ABCC1: variants seen among roughly 807,000 people sequenced by gnomAD.
ABCC1 encodes the protein multidrug resistance-associated protein 1.
Under a neutral mutation model 172.9 loss-of-function variants are expected in ABCC1, and 83 were observed. That is an observed-to-expected ratio of 0.48 (90% CI 0.40 to 0.58). ABCC1 has a LOEUF of 0.58. Ranked by LOEUF, ABCC1 falls within the 20% of genes least tolerant of loss-of-function variation. The pLI is 0.00. For synonymous variants in ABCC1, 937 were observed against 825.2 expected, an observed-to-expected ratio of 1.14 and a Z score of -2.32; for missense variants, 1,817 against 2,002.7, an observed-to-expected ratio of 0.91 and a Z score of 1.77.
intron 3 of ABCC1, among the ~76,000 whole-genome samples, chr16:16,011,360 C>T (rs1006592509): frequency 1.3e-4 from 20 of 151,782 alleles, no homozygotes; most frequent in Admixed American, 5.2e-4. Context: ...ACAAGGTGTT[C>T]GGTGAAGGAA....
intron 19 of ABCC1, 88 bp downstream of exon 19, chr16:16,090,676 T>C (rs1038771870): frequency 2.8e-6 from 4 of 1,404,060 alleles, no homozygotes; most frequent in Non-Finnish European, 3.8e-6. Flanking sequence ...CACCAGCCAC[T>C]TGGGGAAGGC....
intron 19 of ABCC1, chr16:16,098,814 C>T (rs2051595352): frequency 1.5e-6 from 2 of 1,328,666 alleles, no homozygotes; most frequent in Non-Finnish European, 2.0e-6. Context: ...TAGATAGGGG[C>T]TTAGGGCGGG....
intron 1 of ABCC1, among the ~76,000 whole-genome samples, chr16:15,950,937 T>G (rs777585366): frequency 2.6e-5 from 4 of 152,178 alleles, no homozygotes; most frequent in African/African-American, 7.2e-5. Flanking sequence ...TTGTTTGTTT[T>G]TTTTAGTAGG....
intron 15 of ABCC1, 145 bp from the exon 16 acceptor site, chr16:16,079,207 T>C: frequency 8.2e-7 from 1 of 1,212,992 alleles, no homozygotes; most frequent in Non-Finnish European, 1.1e-6. Context: ...ATGGAAGGAA[T>C]GTTGAGGCCT....
At chr16:15,972,463 T>G (rs2046391143) in intron 1 of ABCC1, among the ~76,000 whole-genome samples, 1 of 152,204 alleles carries the variant, frequency 6.6e-6, no homozygotes, top group South Asian at 2.1e-4. Flanking sequence ...GCTGTTTTCT[T>G]GTCTTTTCCT....
At chr16:16,112,235 G>A (rs1293108399) in intron 22 of ABCC1, among the ~76,000 whole-genome samples, 3 of 152,118 alleles carry the variant, frequency 2.0e-5, no homozygotes, top group South Asian at 2.1e-4. Flanking sequence ...GGTGGTATGC[G>A]CTTGTGGTCT....
At chr16:16,084,139 C>A (rs2050915952) in intron 17 of ABCC1, among the ~76,000 whole-genome samples, 1 of 152,116 alleles carries the variant, frequency 6.6e-6, no homozygotes, top group African/African-American at 2.4e-5. Flanking sequence ...GTCTTGCTCT[C>A]TTGCCCAGGC....
intron 6 of ABCC1, among the ~76,000 whole-genome samples, chr16:16,034,050 CA>C (rs1211403406): frequency 1.3e-3 from 26 of 20,048 alleles, no homozygotes; most frequent in Non-Finnish European, 3.2e-3. Context: ...TTTTTTGAGA[CA>C]GGCTTTCGCT....
intron 26 of ABCC1, among the ~76,000 whole-genome samples, chr16:16,129,478 G>A (rs996306698): frequency 2.0e-5 from 3 of 151,818 alleles, no homozygotes; most frequent in Non-Finnish European, 4.4e-5. Flanking sequence ...GTGAGACATC[G>A]TCTCTACAAA....
chr16:16,139,536 T>G (rs927472383), intron 30 of ABCC1, among the ~76,000 whole-genome samples: 1 of 124,632 alleles, frequency 8.0e-6, no homozygotes, highest in African/African-American at 3.1e-5. Flanking sequence ...TGCTTGAACC[T>G]GGGAGGTGGA....
intron 13 of ABCC1, among the ~76,000 whole-genome samples, chr16:16,070,674 C>CA (rs1356550025): frequency 1.3e-5 from 2 of 152,060 alleles, no homozygotes; most frequent in African/African-American, 4.8e-5. Context: ...CAAAAACGAA[C>CA]AAAAAAACCC....
At chr16:15,955,833 G>A (rs1053466025) in intron 1 of ABCC1, among the ~76,000 whole-genome samples, 1 of 152,196 alleles carries the variant, frequency 6.6e-6, no homozygotes, top group African/African-American at 2.4e-5. Flanking sequence ...TAGGGGCAGG[G>A]ATTTTGGCCT....
intron 20 of ABCC1, among the ~76,000 whole-genome samples, chr16:16,103,963 G>A (rs1194290738): frequency 6.6e-6 from 1 of 152,118 alleles, no homozygotes; most frequent in African/African-American, 2.4e-5. Flanking sequence ...CTTCCTTCTG[G>A]TGGGTTCGTG....
Position 16,138,559 on chromosome 16 carries a change from G to T in ABCC1, c.4487+1G>T. On this transcript the variant is annotated splice_donor_variant, in intron 30 of 30. Transcript: ENST00000399410. LOFTEE classifies it high-confidence loss of function. ...TCAACACCATCATGGACTACACAAG[G>T]TGATGCCACTGGCACAGTGGCCTCT... The T allele has an allele frequency of 6.3e-7, 1 of 1,578,478 alleles. No homozygotes were observed. The highest frequency in any genetic ancestry group is 8.7e-7 in the Non-Finnish European group (1 of 1,154,034).
intron 15 of ABCC1, among the ~76,000 whole-genome samples, chr16:16,078,069 A>C (rs1222810401): frequency 6.6e-6 from 1 of 152,198 alleles, no homozygotes; most frequent in South Asian, 2.1e-4. Context: ...GAGGCACAAG[A>C]ATCATTTGAA....
chr16:15,997,656 T>G (rs1455311675), intron 1 of ABCC1, among the ~76,000 whole-genome samples: 2 of 152,126 alleles, frequency 1.3e-5, no homozygotes, highest in Non-Finnish European at 2.9e-5. Flanking sequence ...CGTCCCTTCC[T>G]TGAGCCTTTA....
intron 3 of ABCC1, among the ~76,000 whole-genome samples, chr16:16,011,166 G>C (rs953744637): frequency 6.6e-6 from 1 of 152,172 alleles, no homozygotes; most frequent in Non-Finnish European, 1.5e-5. Flanking sequence ...CCGGGAAGTG[G>C]AGGCTGCAGT....
At chr16:16,016,713 A>G (rs1304164161) in intron 5 of ABCC1, 92 bp downstream of exon 5, 1 of 1,541,200 alleles carries the variant, frequency 6.5e-7, no homozygotes, top group Non-Finnish European at 8.8e-7. Flanking sequence ...TCCATCCAGG[A>G]TCTCGTTCCA....
intron 5 of ABCC1, among the ~76,000 whole-genome samples, chr16:16,028,293 T>C (rs1283431745): frequency 3.9e-5 from 6 of 152,200 alleles, no homozygotes; most frequent in Non-Finnish European, 8.8e-5. Context: ...CGTGGTTTAC[T>C]TACTGTCCAT....
Sources: allele counts gnomAD v4.1 joint callset (sites outside exome capture counted in the v4.1 genomes callset), GRCh38; gene constraint gnomAD v4.1.1; transcripts MANE v1.5; gene names NCBI Gene and HGNC (gene_info 2026-07-23, HGNC 2026-07-21).